Variants in APOO observed in about 807,000 individuals in gnomAD.
APOO encodes the protein MICOS complex subunit MIC26.
Under a neutral mutation model 23.1 loss-of-function variants are expected in APOO, and 11 were observed. The observed-to-expected ratio is 0.48, with a 90% confidence interval of 0.30 to 0.79. The LOEUF is 0.79. Among genes scored for constraint, APOO ranks in the 30% least tolerant of loss-of-function variants. The pLI is 0.07. For synonymous variants in APOO, 59 were observed against 54.8 expected, an observed-to-expected ratio of 1.08 and a Z score of -0.34; for missense variants, 160 against 142.7, an observed-to-expected ratio of 1.12 and a Z score of -0.62.
intron 8 of APOO, chrX:23,837,380 A>T: frequency 1.4e-6 from 1 of 722,686 alleles, no homozygotes; most frequent in Non-Finnish European, 2.0e-6. Context: ...TATAATTACA[A>T]TTATATGCCT....
intron 3 of APOO, among the ~76,000 whole-genome samples, chrX:23,876,489 C>A (rs1601920093): frequency 9.4e-6 from 1 of 106,578 alleles, no homozygotes; most frequent in African/African-American, 3.4e-5. Context: ...CTTTTGCTAG[C>A]TTAATATTTT....
At chrX:23,852,010 G>A (rs1454734904) in intron 7 of APOO, among the ~76,000 whole-genome samples, 1 of 111,481 alleles carries the variant, frequency 9.0e-6, no homozygotes, top group African/African-American at 3.3e-5. Flanking sequence ...TGTAACCTCC[G>A]CCTCTCAGGT....
intron 1 of APOO, among the ~76,000 whole-genome samples, chrX:23,899,363 A>G (rs1375654935): frequency 8.9e-6 from 1 of 112,406 alleles, no homozygotes; most frequent in Non-Finnish European, 1.9e-5. Context: ...CTGCTTCTCC[A>G]AGTTTTAGTG....
intron 1 of APOO, among the ~76,000 whole-genome samples, chrX:23,891,864 CTATA>C (rs1382153816): frequency 9.2e-6 from 1 of 108,205 alleles, no homozygotes; most frequent in South Asian, 3.8e-4. Context: ...CTTATACATA[CTATA>C]TATACTTAAA....
intron 5 of APOO, among the ~76,000 whole-genome samples, chrX:23,861,841 T>C (rs983246653): frequency 3.9e-5 from 4 of 102,995 alleles, no homozygotes; most frequent in Non-Finnish European, 8.0e-5. Context: ...TCTTGCTCTG[T>C]TGCTCAGGTT....
At chrX:23,881,236 G>A (rs755351210) in intron 1 of APOO, among the ~76,000 whole-genome samples, 1 of 109,123 alleles carries the variant, frequency 9.2e-6, no homozygotes, top group African/African-American at 3.3e-5. Context: ...CACCACACCC[G>A]GCTAATTTTT....
At chrX:23,863,438 G>T (rs965446919) in intron 5 of APOO, among the ~76,000 whole-genome samples, 2 of 111,743 alleles carry the variant, frequency 1.8e-5, no homozygotes, top group African/African-American at 6.5e-5. Flanking sequence ...AAAAAAAAAT[G>T]TATCACCTGT....
intron 1 of APOO, among the ~76,000 whole-genome samples, chrX:23,904,920 C>A (rs999226744): frequency 1.7e-4 from 19 of 111,290 alleles, no homozygotes; most frequent in Non-Finnish European, 3.0e-4. Flanking sequence ...AGCATCCTAA[C>A]ATAGCCATTT....
At chrX:23,903,401 C>T (rs1423569981) in intron 1 of APOO, among the ~76,000 whole-genome samples, 1 of 110,364 alleles carries the variant, frequency 9.1e-6, no homozygotes, top group Non-Finnish European at 1.9e-5. Flanking sequence ...CATTTGAGGC[C>T]GCATCCCAGA....
At chrX:23,857,580 C>T (rs1209192386) in intron 6 of APOO, among the ~76,000 whole-genome samples, 1 of 111,664 alleles carries the variant, frequency 9.0e-6, no homozygotes, top group Non-Finnish European at 1.9e-5. Flanking sequence ...CAACTGTAGC[C>T]CAATCAAGGA....
At chrX:23,892,717 A>G (rs1404419743) in intron 1 of APOO, among the ~76,000 whole-genome samples, 5 of 104,815 alleles carry the variant, frequency 4.8e-5, no homozygotes, top group African/African-American at 1.4e-4. Context: ...GCAGTGAGCC[A>G]AGATCGCGCC....
At chrX:23,846,310 C>CA (rs1227084225) in intron 7 of APOO, among the ~76,000 whole-genome samples, 8,822 of 33,796 alleles carry the variant, frequency 0.26, 1,336 homozygotes, top group East Asian at 0.51. Context: ...GACTCCATCT[C>CA]AAAAAAAAAA....
At chrX:23,890,783 T>G (rs757651986) in intron 1 of APOO, among the ~76,000 whole-genome samples, 10 of 111,922 alleles carry the variant, frequency 8.9e-5, no homozygotes, top group African/African-American at 2.3e-4. Flanking sequence ...GTGTGTTAAT[T>G]TTTGACTTAA....
At chrX:23,867,130 AAACG>A (rs1323571733) in intron 5 of APOO, among the ~76,000 whole-genome samples, 16 of 110,411 alleles carry the variant, frequency 1.4e-4, no homozygotes, top group African/African-American at 5.3e-4. Context: ...AAACGAAACG[AAACG>A]AAACGAAACG....
At chrX:23,840,777 T>TA (rs1331844318) in intron 7 of APOO, 1 of 114,972 alleles carries the variant, frequency 8.7e-6, no homozygotes, top group Admixed American at 9.5e-5. Flanking sequence ...TTTCCTGAAA[T>TA]AAAGGTTTTA....
chrX:23,883,653 A>T (rs980839328), intron 1 of APOO: 2 of 112,138 alleles, frequency 1.8e-5, no homozygotes, highest in Non-Finnish European at 3.8e-5. Context: ...CCTTGCAATA[A>T]GGCAGAGGGT....
chrX:23,865,554 A>T, intron 5 of APOO, among the ~76,000 whole-genome samples: 1 of 108,519 alleles, frequency 9.2e-6, no homozygotes, highest in Non-Finnish European at 1.9e-5. Context: ...AGTGAGGCTG[A>T]GATGGCGCCA....
intron 1 of APOO, 77 bp from the exon 2 acceptor site, chrX:23,881,029 A>G (rs763539993): frequency 3.1e-5 from 18 of 579,450 alleles, no homozygotes; most frequent in Admixed American, 2.6e-4. Context: ...TCATAACCTC[A>G]GCCACTCCCC....
chrX:23,889,442 T>C (rs1926525808), intron 1 of APOO, among the ~76,000 whole-genome samples: 2 of 111,055 alleles, frequency 1.8e-5, no homozygotes, highest in Non-Finnish European at 3.8e-5. Context: ...TCATGAATGG[T>C]GGGGCTCAAA....
Sources: gnomAD v4.1 joint callset for allele counts (sites outside exome capture counted in the v4.1 genomes callset) on GRCh38, gnomAD v4.1.1 for gene constraint, MANE v1.5 for transcripts, NCBI Gene and HGNC (gene_info 2026-07-23, HGNC 2026-07-21) for gene names.